Variants in GALNT17 observed in about 807,000 individuals in gnomAD.
The protein encoded by GALNT17 is polypeptide N-acetylgalactosaminyltransferase 17.
A neutral mutation model predicts 63.7 loss-of-function variants in GALNT17; 29 were observed. The ratio of observed to expected loss-of-function variants is 0.46; its 90% confidence interval spans 0.34 to 0.62. The LOEUF (loss-of-function observed/expected upper bound fraction) is 0.62. GALNT17 is among the 20% of genes least tolerant of loss of function. GALNT17 has a pLI of 0.01. For synonymous variants in GALNT17, 305 were observed against 318.3 expected (o/e 0.96, Z 0.45); for missense variants, 603 against 799.6 (o/e 0.75, Z 2.97).
intron 5 of GALNT17, among the ~76,000 whole-genome samples, chr7:71,493,633 C>T (rs1199868263): frequency 1.3e-5 from 2 of 152,066 alleles, no homozygotes; most frequent in African/African-American, 2.4e-5. Context: ...GGAAACCACC[C>T]CTATGATCCA....
intron 1 of GALNT17, among the ~76,000 whole-genome samples, chr7:71,147,292 TC>T (rs982814729): frequency 1.3e-5 from 2 of 152,140 alleles, no homozygotes; most frequent in Admixed American, 6.5e-5. Context: ...GGAGAGCCTG[TC>T]CAAGTCCCCA....
intron 5 of GALNT17, among the ~76,000 whole-genome samples, chr7:71,426,332 G>A (rs564649092): frequency 5.9e-5 from 9 of 152,292 alleles, no homozygotes; most frequent in East Asian, 1.9e-4. Flanking sequence ...GCTGAGGTTC[G>A]TCTATGTAAG....
intron 5 of GALNT17, among the ~76,000 whole-genome samples, chr7:71,558,751 A>G (rs949074707): frequency 1.3e-5 from 2 of 152,228 alleles, no homozygotes; most frequent in Admixed American, 6.5e-5. Context: ...TATGATTACC[A>G]AAAAGTAAAA....
intron 6 of GALNT17, among the ~76,000 whole-genome samples, chr7:71,609,383 C>T (rs180757262): frequency 6.6e-6 from 1 of 152,256 alleles, no homozygotes; most frequent in East Asian, 1.9e-4. Context: ...AAGAACCAGC[C>T]ACTGTGGAGG....
At chr7:71,434,297 A>G (rs754844808) in intron 5 of GALNT17, among the ~76,000 whole-genome samples, 27 of 152,144 alleles carry the variant, frequency 1.8e-4, no homozygotes, top group Non-Finnish European at 3.7e-4. Flanking sequence ...CCTCTAGAGA[A>G]CCCTCACTAA....
chr7:71,170,025 C>T (rs971262077), intron 1 of GALNT17, among the ~76,000 whole-genome samples: 12 of 151,400 alleles, frequency 7.9e-5, no homozygotes, highest in African/African-American at 2.7e-4. Flanking sequence ...TGGTCTCAAA[C>T]TCCTGGGATC....
At chr7:71,551,651 T>C (rs543498590) in intron 5 of GALNT17, among the ~76,000 whole-genome samples, 1 of 151,984 alleles carries the variant, frequency 6.6e-6, no homozygotes, top group African/African-American at 2.4e-5. Context: ...CCTGTAGTCC[T>C]AGCTACTTGG....
chr7:71,276,515 T>C (rs1790684897), intron 1 of GALNT17, among the ~76,000 whole-genome samples: 1 of 152,116 alleles, frequency 6.6e-6, no homozygotes, highest in Non-Finnish European at 1.5e-5. Context: ...GCTTTTCCCA[T>C]GCTGTTCTCA....
chr7:71,156,978 A>C (rs1788248442), intron 1 of GALNT17, among the ~76,000 whole-genome samples: 1 of 150,990 alleles, frequency 6.6e-6, no homozygotes, highest in Admixed American at 6.6e-5. Context: ...ATTTATAGAG[A>C]TGAGGTCTTG....
At chr7:71,531,253 C>CA (rs902716371) in intron 5 of GALNT17, among the ~76,000 whole-genome samples, 7 of 150,130 alleles carry the variant, frequency 4.7e-5, no homozygotes, top group African/African-American at 9.8e-5. Context: ...ATAGTAAAAG[C>CA]AAAAAAAAAG....
At chr7:71,514,765 T>C (rs943753071) in intron 5 of GALNT17, among the ~76,000 whole-genome samples, 7 of 152,246 alleles carry the variant, frequency 4.6e-5, no homozygotes, top group African/African-American at 1.7e-4. Context: ...TGTCTTGCTT[T>C]GATCAGTTTC....
intron 1 of GALNT17, among the ~76,000 whole-genome samples, chr7:71,231,099 G>T (rs911193993): frequency 3.9e-5 from 6 of 152,100 alleles, no homozygotes; most frequent in African/African-American, 1.4e-4. Context: ...ATTCACATTT[G>T]TAAATTATTC....
Position 71,236,095 on chromosome 7 carries a change from T to C in GALNT17, c.239-99455T>C, listed in dbSNP as rs553250471. Reference sequence around the variant, plus strand: ...ACTTGGGAGGCTAAAGCAGGAGAATTGCTTGAACCCAGGAGGTGGAGGTTG... The same window carrying C: ...ACTTGGGAGGCTAAAGCAGGAGAATCGCTTGAACCCAGGAGGTGGAGGTTG... On this transcript the variant is annotated intron_variant, in intron 1 of 10. Transcript: ENST00000333538. Among the ~76,000 whole-genome samples the C allele has an allele frequency of 2.0e-5, 3 of 151,934 alleles. No individual in the cohort carries two copies. The East Asian group carries it at 5.8e-4, about 30-fold the overall frequency.
chr7:71,701,803 G>GTGTGTA (rs748188265), intron 9 of GALNT17, among the ~76,000 whole-genome samples: 6 of 30,722 alleles, frequency 2.0e-4, no homozygotes, highest in African/African-American at 2.6e-4. Flanking sequence ...GTGTGTGTGT[G>GTGTGTA]TATATATATA....
At chr7:71,606,508 C>T (rs1247864165) in intron 6 of GALNT17, among the ~76,000 whole-genome samples, 1 of 152,136 alleles carries the variant, frequency 6.6e-6, no homozygotes, top group East Asian at 1.9e-4. Context: ...AGCATCTGCT[C>T]TTCTCTTGTG....
chr7:71,253,558 C>A (rs1354670095), intron 1 of GALNT17, among the ~76,000 whole-genome samples: 4 of 148,486 alleles, frequency 2.7e-5, no homozygotes, highest in Non-Finnish European at 5.9e-5. Flanking sequence ...ACTGCCTACT[C>A]TTTTCTCTTT....
At chr7:71,280,532 C>T (rs989480328) in intron 1 of GALNT17, among the ~76,000 whole-genome samples, 5 of 152,110 alleles carry the variant, frequency 3.3e-5, no homozygotes, top group Non-Finnish European at 5.9e-5. Context: ...ACAGAAAACC[C>T]GTTTAACCTA....
At chr7:71,709,551 A>C (rs760248070) in intron 9 of GALNT17, among the ~76,000 whole-genome samples, 1 of 149,966 alleles carries the variant, frequency 6.7e-6, no homozygotes, top group Non-Finnish European at 1.5e-5. Context: ...GTGGTGAATA[A>C]TCTCTGATTT....
At chr7:71,381,886 A>G (rs1431560336) in intron 2 of GALNT17, among the ~76,000 whole-genome samples, 1 of 152,196 alleles carries the variant, frequency 6.6e-6, no homozygotes, top group Non-Finnish European at 1.5e-5. Context: ...CTGCAGTGTC[A>G]GCTGTGTAAG....
Sources: allele counts gnomAD v4.1 joint callset (sites outside exome capture counted in the v4.1 genomes callset), GRCh38; gene constraint gnomAD v4.1.1; transcripts MANE v1.5; gene names NCBI Gene and HGNC (gene_info 2026-07-23, HGNC 2026-07-21).